Variants in ANO7 observed in about 807,000 individuals in gnomAD.
ANO7 encodes anoctamin 7, also known as anoctamin-7.
In ANO7, 114 loss-of-function variants were observed where a neutral mutation model predicts 115.8. That is an observed-to-expected ratio of 0.98 (90% CI 0.85 to 1.15). The LOEUF (loss-of-function observed/expected upper bound fraction) is 1.15, where lower values mean the gene tolerates loss of function less well. Ranked by LOEUF, ANO7 falls within the 50% of genes most tolerant of loss-of-function variation. The probability of loss-of-function intolerance (pLI) is 0.00; values close to 1 mark genes in which losing one functional copy is unlikely to be tolerated. For missense variants in ANO7, 1,302 were observed against 1,201.2 expected, an observed-to-expected ratio of 1.08 and a Z score of -1.24; for synonymous variants, 550 against 498.2, an observed-to-expected ratio of 1.10 and a Z score of -1.38.
chr2:241,209,144 G>A (rs1327920193), intron 11 of ANO7, 141 bp from the exon 12 acceptor site: 40 of 1,088,494 alleles, frequency 3.7e-5, no homozygotes, highest in East Asian at 2.9e-4. Context: ...GCCAGACTCC[G>A]TCTCAAGCAA....
At chr2:241,197,319 T>C (rs7593270) in intron 4 of ANO7, among the ~76,000 whole-genome samples, 125,554 of 152,142 alleles carry the variant, frequency 0.83, 51,890 homozygotes, top group East Asian at 0.91. Flanking sequence ...AGGCTGGTCT[T>C]GAACTCCTGA....
Position 241,209,491 on chromosome 2 carries a change from C to A in ANO7, c.1222-7C>A. The A allele has an allele frequency of 1.3e-6, 2 of 1,597,068 alleles. No homozygotes were observed. Among genetic ancestry groups the A allele is most frequent in the East Asian group, 4.5e-5 (2 of 44,566 alleles). ...AGGGCCGCCACTGAGCACCGGCTCC[C>A]TTCCAGGAGAGGCCTCGGCCCCAGT... On this transcript the variant is annotated splice_polypyrimidine_tract_variant and splice_region_variant and intron_variant, in intron 12 of 24. Coordinates refer to ENST00000674324, the MANE Select transcript of ANO7 (RefSeq NM_001370694.2).
chr2:241,215,462 A>T (rs2068809285), intron 18 of ANO7, among the ~76,000 whole-genome samples: 1 of 152,174 alleles, frequency 6.6e-6, no homozygotes, highest in Non-Finnish European at 1.5e-5. Context: ...TGAACACCTG[A>T]TCTGCCCCCA....
the ANO7 span, chr2:241,235,720 G>A: frequency 1.4e-5 from 9 of 642,916 alleles, no homozygotes; most frequent in Admixed American, 1.1e-4. Flanking sequence ...TGCCCCACCC[G>A]ACAATGCCAC....
In ANO7 at chr2:241,202,099, G is replaced by A. The variant is rs1333171265; in HGVS notation, c.613-95G>A. ...TGTCACCAGAAGGCTGAGGGAGGCC[G>A]TCCATGGCCTTGGCCTAAAGACAGG... On this transcript the variant is annotated intron_variant, in intron 7 of 24. Coordinates refer to ENST00000674324, the MANE Select transcript of ANO7 (RefSeq NM_001370694.2). 1.7e-5 allele frequency: 18 copies of A among 1,031,560 alleles called. No homozygotes were observed. The East Asian group carries it at 2.0e-4, about 12-fold the overall frequency. The allele number at this position is 1,031,560 out of a possible 1,614,324, so 63.9% of individuals were successfully genotyped here. A position where few individuals can be genotyped will look rare whatever the true frequency, so the allele number is the denominator to read the frequency against.
the ANO7 span, among the ~76,000 whole-genome samples, chr2:241,231,598 T>C: frequency 2.6e-4 from 39 of 152,266 alleles, no homozygotes; most frequent in African/African-American, 8.9e-4. Flanking sequence ...TCCTGCTTCT[T>C]TGCCCACGTG....
the ANO7 span, chr2:241,234,054 A>T: frequency 7.0e-7 from 1 of 1,434,004 alleles, no homozygotes; most frequent in Non-Finnish European, 9.7e-7. Flanking sequence ...AGGACACTGG[A>T]GATGCTGCAG....
chr2:241,202,081 A>G (rs2068485163), intron 7 of ANO7, 113 bp from the exon 8 acceptor site: 2 of 808,776 alleles, frequency 2.5e-6, no homozygotes. Context: ...TATTGTCACC[A>G]GAAGGCTGAG....
In ANO7 at chr2:241,188,766, G is replaced by T; in HGVS notation, c.-8G>T. On this transcript the variant is annotated splice_region_variant and 5_prime_UTR_variant, in exon 1 of 25. It adds an upstream start codon to the 5' untranslated region. Transcript: ENST00000674324. This position sits in a 1 kb window ranked among gnomAD's most constrained non-coding sequence, Gnocchi z 4.3. ...ACCTCTTCCGGAAGCCACTGTGCCA[G>T]GTGGGGACCCAGCCTAGACGTGTGG... is the stretch of plus-strand genomic sequence containing the variant. 2.5e-6 allele frequency: 4 copies of T among 1,613,052 alleles called. No individual in the cohort carries two copies. The highest frequency in any genetic ancestry group is 2.5e-6 in the Non-Finnish European group (3 of 1,179,542).
intron 19 of ANO7, 149 bp downstream of exon 19, chr2:241,216,387 G>A (rs1341313478): frequency 2.7e-6 from 3 of 1,128,064 alleles, no homozygotes; most frequent in Non-Finnish European, 3.6e-6. Context: ...AGAGGGTCGG[G>A]CCTGTGGAGA....
rs7590653 is a variant in ANO7, at chr2:241,223,944, G to C, written c.2572G>C (p.Glu858Gln). 6.2e-7 allele frequency: 1 copy of C among 1,609,254 alleles called. No homozygotes were observed. Among genetic ancestry groups the C allele is most frequent in the African/African-American group, 1.4e-5 (1 of 70,436 alleles). Residue 858 changes from glutamate to glutamine, a missense_variant, in exon 24 of 25, where the codon GAG (glutamate) becomes CAG (glutamine). By Grantham distance (29) the Glu-to-Gln change is conservative. Transcript: ENST00000674324. ...GAACGGAACAAAGGATGAGCAGCCCGAGGGCTCAGAGGCAAGTCTGGGAGC... is the reference window on the plus strand; with the variant it reads ...GAACGGAACAAAGGATGAGCAGCCCCAGGGCTCAGAGGCAAGTCTGGGAGC... ...GTNGTKDEQP[E>Q]GSELSSHWTP... is the part of the protein sequence containing the mutation.
downstream of ANO7, chr2:241,227,955 ATCCCAATTTACCAT>A (rs894421844): frequency 6.6e-6 from 1 of 152,232 alleles, no homozygotes; most frequent in African/African-American, 2.4e-5. Flanking sequence ...ATTCCTTCCA[ATCCCAATTTACCAT>A]TCCTGTAAAC....
Position 241,196,123 on chromosome 2 carries a change from A to C in ANO7, c.309+278A>C, listed in dbSNP as rs942033304. 3.6e-6 allele frequency: 5 copies of C among 1,375,870 alleles called. No homozygotes were observed. The African/African-American group carries it at 7.3e-5, about 20-fold the overall frequency. 85.2% of individuals were successfully genotyped at this position (1,375,870 alleles called of 1,614,324 possible). On this transcript the variant is annotated intron_variant, in intron 4 of 24. Transcript: ENST00000674324. ...TGAAAACTCTGACACTACCTTTGCC[A>C]TTCACCTGTCCCGTCTCCAACATTA...
downstream of ANO7, chr2:241,230,034 T>C (rs2069553012): frequency 5.1e-6 from 8 of 1,579,054 alleles, no homozygotes; most frequent in East Asian, 1.3e-4. This position sits in a 1 kb window ranked among gnomAD's most constrained non-coding sequence, Gnocchi z 5.0. Flanking sequence ...TGCTCACCCC[T>C]GCACCTCGCC....
At chr2:241,240,255 T>A in the ANO7 span, 2 of 826,132 alleles carry the variant, frequency 2.4e-6, no homozygotes, top group East Asian at 2.5e-5. The surrounding 1 kb of genome is among the most constrained non-coding windows in gnomAD (Gnocchi z 5.5). Context: ...GTTGCACCAA[T>A]ACCCCCAAAA....
chr2:241,225,301 G>A lies in ANO7; in HGVS notation c.*1148G>A, dbSNP rs968718936. On this transcript the variant is annotated 3_prime_UTR_variant, in exon 25 of 25. Transcript: ENST00000674324. ...AGGACTTTGGGAGGCTGAGGCAGGAGGATTACAAGGTCAGGAGTTCGGGAC... is the reference window on the plus strand; with the variant it reads ...AGGACTTTGGGAGGCTGAGGCAGGAAGATTACAAGGTCAGGAGTTCGGGAC... The A allele has an allele frequency of 6.6e-6, 1 of 152,150 alleles. No homozygotes were observed. The highest frequency in any genetic ancestry group is 1.5e-5 in the Non-Finnish European group (1 of 68,020). The allele number at this position is 152,150 out of a possible 1,614,324, so 9.4% of individuals were successfully genotyped here. A position where few individuals can be genotyped will look rare whatever the true frequency, so the allele number is the denominator to read the frequency against.
intron 3 of ANO7, among the ~76,000 whole-genome samples, chr2:241,191,982 C>T (rs904347506): frequency 3.9e-5 from 6 of 152,316 alleles, no homozygotes; most frequent in East Asian, 1.9e-4. Flanking sequence ...TCTGTACACC[C>T]GCAATGTCAT....
chr2:241,220,778 C>A (rs1013331984), intron 21 of ANO7, among the ~76,000 whole-genome samples: 11 of 152,110 alleles, frequency 7.2e-5, no homozygotes, highest in African/African-American at 2.7e-4. Flanking sequence ...CCAGCCTGGG[C>A]AACAGAGCAA....
chr2:241,204,282 A>G (rs2068539386), intron 9 of ANO7, among the ~76,000 whole-genome samples: 1 of 152,198 alleles, frequency 6.6e-6, no homozygotes, highest in South Asian at 2.1e-4. Flanking sequence ...CACAGCAGTC[A>G]CTTTGGCCAG....
Sources: allele counts gnomAD v4.1 joint callset (sites outside exome capture counted in the v4.1 genomes callset), GRCh38; gene constraint gnomAD v4.1.1; non-coding constraint Gnocchi (gnomAD v3.1); transcripts MANE v1.5; gene names NCBI Gene and HGNC (gene_info 2026-07-23, HGNC 2026-07-21).